Variants in GAK observed in about 807,000 individuals in gnomAD.
The protein encoded by GAK is cyclin G associated kinase, also known as cyclin-G-associated kinase.
In GAK, 79 loss-of-function variants were observed where a neutral mutation model predicts 143.9. The observed-to-expected ratio is 0.55, with a 90% CI of 0.46 to 0.66. The LOEUF (loss-of-function observed/expected upper bound fraction) is 0.66, where lower values mean the gene tolerates loss of function less well. Among genes scored for constraint, GAK ranks in the 30% least tolerant of loss-of-function variants. The probability of loss-of-function intolerance (pLI) is 0.00; values close to 1 mark genes in which losing one functional copy is unlikely to be tolerated. For synonymous variants in GAK, 881 were observed against 765.5 expected, an observed-to-expected ratio of 1.15 and a Z score of -2.49; for missense variants, 1,693 against 1,779.7, an observed-to-expected ratio of 0.95 and a Z score of 0.88.
At position 861,125 on chromosome 4, in the gene GAK, C is replaced by T. The variant is rs57341655; in HGVS notation, c.3167-1403G>A. 4.1e-3 allele frequency among the ~76,000 whole-genome samples: 630 copies of T among 152,238 alleles called. 4 individuals are homozygous for T. Among genetic ancestry groups the T allele is most frequent in the African/African-American group, 0.014 (599 of 41,544 alleles). ...GGCTGCTCCACAGACCAGCCACTCC[C>T]CGTCTCGCTCCTTCTCAAGCCTCCC... On this transcript the variant is annotated intron_variant, in intron 23 of 27. Coordinates refer to ENST00000314167, the MANE Select transcript of GAK (RefSeq NM_005255.4).
Position 883,339 on chromosome 4 carries a change from G to A in GAK, c.1380C>T (p.Tyr460=). The A allele has an allele frequency of 6.2e-7, 1 of 1,613,496 alleles. No individual in the cohort carries two copies. The highest frequency in any genetic ancestry group is 2.2e-5 in the East Asian group (1 of 44,878). Residue 460 remains tyrosine (Y), a synonymous_variant, in exon 13 of 28, where the codon TAC becomes TAT. Transcript: ENST00000314167. ...YAVYNLSPRT[Y]RPSRFHNRVS... is the part of the protein sequence containing the mutation. ...CCCGGTTGTGGAACCTGGAGGGCCG[G>A]TAGGTCCTCGGGGACAGGTTGTAGA...
intron 5 of GAK, among the ~76,000 whole-genome samples, chr4:901,102 C>T (rs1423785805): frequency 2.0e-5 from 3 of 152,236 alleles, no homozygotes; most frequent in Non-Finnish European, 2.9e-5. Flanking sequence ...TAGGAGTGTA[C>T]AGCCAAGTAG....
At chr4:873,914 G>A (rs1420950402) in intron 18 of GAK, among the ~76,000 whole-genome samples, 8 of 152,204 alleles carry the variant, frequency 5.3e-5, no homozygotes, top group Admixed American at 2.6e-4. Context: ...ACAGCAGGGC[G>A]TCGGTCTACC....
rs997299620 is a variant in GAK, at chr4:932,225, G to GTCGGGC, written c.-44_-39dup. 4 of 1,499,440 alleles carry GTCGGGC rather than the reference G, an allele frequency of 2.7e-6. No individual in the cohort carries two copies. Among genetic ancestry groups the GTCGGGC allele is most frequent in the East Asian group, 2.7e-5 (1 of 36,848 alleles). The allele number at this position is 1,499,440 out of a possible 1,614,324, so 92.9% of individuals were successfully genotyped here. Reference sequence around the variant, plus strand: ...GCCGCACCCCGCGGCAGCCGGAGTGGTCGGGCTCGGGCTCCCGCTCCCTCG... The same window carrying GTCGGGC: ...GCCGCACCCCGCGGCAGCCGGAGTGGTCGGGCTCGGGCTCGGGCTCCCGCTCCCTCG... On this transcript the variant is annotated 5_prime_UTR_variant, in exon 1 of 28. Coordinates refer to ENST00000314167, the MANE Select transcript of GAK (RefSeq NM_005255.4). The surrounding 1 kb of genome is among the most constrained non-coding windows in gnomAD (Gnocchi z 4.0).
intron 26 of GAK, chr4:850,437 G>A (rs890080439): frequency 2.2e-5 from 5 of 225,218 alleles, no homozygotes; most frequent in Non-Finnish European, 3.5e-5. Context: ...GGTCACAGGC[G>A]CATGTGGCCT....
chr4:930,007 C>T (rs181489106), intron 1 of GAK, among the ~76,000 whole-genome samples: 8 of 152,244 alleles, frequency 5.3e-5, no homozygotes, highest in East Asian at 1.9e-4. Context: ...GAGTATCCCA[C>T]GATATACAGG....
At chr4:928,677 T>C (rs1384946529) in intron 1 of GAK, among the ~76,000 whole-genome samples, 1 of 151,976 alleles carries the variant, frequency 6.6e-6, no homozygotes, top group Non-Finnish European at 1.5e-5. Context: ...CAACCAAGAG[T>C]CTTGCTTGTA....
At position 897,987 on chromosome 4, in the gene GAK, T is replaced by C. The variant is rs199814909; in HGVS notation, c.651+46A>G. 1.4e-3 allele frequency: 2,185 copies of C among 1,580,868 alleles called. 2 individuals are homozygous for C. Among genetic ancestry groups the C allele is most frequent in the Middle Eastern group, 4.1e-3 (18 of 4,440 alleles). On this transcript the variant is annotated intron_variant, in intron 6 of 27. Transcript: ENST00000314167. ...AGCACTCCGCACTCAGGGCGTGGAA[T>C]GTGGGAAGGGCCAGCTTCCCCCAGC...
At chr4:886,586 G>A (rs531496225) in intron 11 of GAK, 1 of 152,366 alleles carries the variant, frequency 6.6e-6, no homozygotes, top group East Asian at 1.9e-4. Context: ...CGTTCCTAGT[G>A]ACTTTCACTT....
At chr4:876,797 G>A (rs1483678639) in intron 17 of GAK, among the ~76,000 whole-genome samples, 188 bp from the exon 18 acceptor site, 2 of 152,258 alleles carry the variant, frequency 1.3e-5, no homozygotes, top group African/African-American at 4.8e-5. Flanking sequence ...ACCCTGAGGA[G>A]AACGCATGGG....
chr4:897,990 G>T, intron 6 of GAK, 43 bp downstream of exon 6: 1 of 1,583,892 alleles, frequency 6.3e-7, no homozygotes, highest in Non-Finnish European at 8.6e-7. Flanking sequence ...CGTGGAATGT[G>T]GGAAGGGCCA....
chr4:864,795 CAG>C (rs778625866), intron 23 of GAK, among the ~76,000 whole-genome samples: 2 of 152,208 alleles, frequency 1.3e-5, no homozygotes, highest in Non-Finnish European at 2.9e-5. Flanking sequence ...ACGTGGTCCA[CAG>C]AGTGTGGGGC....
chr4:851,820 C>T lies in GAK; in HGVS notation c.3438G>A (p.Arg1146=), dbSNP rs1748197067. The part of the protein sequence containing the change: ...KPPPKACTQP[R]PNYASNFSVI... ...CACTGAAGTTCGAGGCATAGTTAGG[C>T]CTTGGCTGTGTGCAGGCTTTGGGGG... The change falls in exon 25 of 28, where the codon AGG becomes AGA. Residue 1146 remains arginine (R), a synonymous_variant. Coordinates refer to ENST00000314167, the MANE Select transcript of GAK (RefSeq NM_005255.4). 1 of 1,611,636 alleles carries T rather than the reference C, an allele frequency of 6.2e-7. No homozygotes were observed. The highest frequency in any genetic ancestry group is 8.5e-7 in the Non-Finnish European group (1 of 1,178,704).
chr4:893,546 C>A (rs1560379413), intron 8 of GAK, 57 bp from the exon 9 acceptor site: 1 of 1,280,524 alleles, frequency 7.8e-7, no homozygotes, highest in East Asian at 2.7e-5. Context: ...GTCAGCACCC[C>A]CTGCACTGGC....
chr4:856,659 AGCTCACCACAGCTGCTCACACCT>A (rs1235386738), intron 24 of GAK, among the ~76,000 whole-genome samples: 1 of 54,422 alleles, frequency 1.8e-5, no homozygotes, highest in Non-Finnish European at 3.5e-5. Flanking sequence ...TGCTCACCAT[AGCTCACCACAGCTGCTCACACCT>A]GCTCACCACA....
chr4:912,870 C>T (rs1447760875), intron 2 of GAK, 76 bp from the exon 3 acceptor site: 3 of 1,247,468 alleles, frequency 2.4e-6, no homozygotes, highest in South Asian at 2.5e-5. Flanking sequence ...TCATCTCAGA[C>T]ATAAGCACGC....
intron 24 of GAK, among the ~76,000 whole-genome samples, chr4:858,899 C>T (rs919044126): frequency 2.6e-5 from 4 of 152,320 alleles, no homozygotes; most frequent in Non-Finnish European, 4.4e-5. Flanking sequence ...CATGCTGGAG[C>T]GTCCGGGGGT....
intron 18 of GAK, among the ~76,000 whole-genome samples, chr4:872,071 G>A (rs553262573): frequency 1.3e-5 from 2 of 152,242 alleles, no homozygotes; most frequent in Admixed American, 1.3e-4. Context: ...ATCCGCCGAG[G>A]GAGGGCAGGG....
chr4:915,294 A>G lies in GAK; in HGVS notation c.146-1626T>C, dbSNP rs113399557. ...CACTGCCTTTCACTTCCTCTACTCC[A>G]GAGACAGACAGGAATAACCTAAGAA... On this transcript the variant is annotated intron_variant, in intron 1 of 27. Coordinates refer to ENST00000314167, the MANE Select transcript of GAK (RefSeq NM_005255.4). 3.2e-4 allele frequency among the ~76,000 whole-genome samples: 48 copies of G among 152,362 alleles called. 1 individual carries two copies. Among genetic ancestry groups the G allele is most frequent in the African/African-American group, 1.1e-3 (44 of 41,586 alleles).
Sources: gnomAD v4.1 joint callset for allele counts (sites outside exome capture counted in the v4.1 genomes callset) on GRCh38, gnomAD v4.1.1 for gene constraint, Gnocchi (gnomAD v3.1) non-coding constraint, MANE v1.5 for transcripts, NCBI Gene and HGNC (gene_info 2026-07-23, HGNC 2026-07-21) for gene names.